Variants in EPHA2 observed in about 807,000 individuals in gnomAD.
EPHA2 encodes ephrin type-A receptor 2.
A neutral mutation model predicts 104.9 loss-of-function variants in EPHA2; 54 were observed. That is an observed-to-expected ratio of 0.51 (90% CI 0.41 to 0.65). EPHA2 has a LOEUF of 0.65. Ranked by LOEUF, EPHA2 falls within the 30% of genes least tolerant of loss-of-function variation. The pLI is 0.00. For missense variants in EPHA2, 1,117 were observed against 1,369.5 expected, an observed-to-expected ratio of 0.82 and a Z score of 2.91; for synonymous variants, 560 against 559.1, an observed-to-expected ratio of 1.00 and a Z score of -0.02.
intron 9 of EPHA2, 42 bp downstream of exon 9, chr1:16,133,818 G>C: frequency 6.6e-7 from 1 of 1,523,202 alleles, no homozygotes; most frequent in Non-Finnish European, 8.8e-7. Flanking sequence ...AGCTGGGGAC[G>C]GTGCGGGCAG....
chr1:16,133,386 C>G lies in EPHA2; in HGVS notation c.1865-18G>C, dbSNP rs2124206321. On this transcript the variant is annotated intron_variant, in intron 10 of 16. Coordinates refer to ENST00000358432, the MANE Select transcript of EPHA2 (RefSeq NM_004431.5). ...AAACTCTCCTGTGGGCAGACAGGGTCAGGGGAGTGCCCTGGTCAGCCCCGG... is the reference window on the plus strand; with the variant it reads ...AAACTCTCCTGTGGGCAGACAGGGTGAGGGGAGTGCCCTGGTCAGCCCCGG... The G allele has an allele frequency of 6.2e-7, 1 of 1,613,868 alleles. No individual in the cohort carries two copies. Among genetic ancestry groups the G allele is most frequent in the South Asian group, 1.1e-5 (1 of 91,078 alleles).
chr1:16,151,722 G>GC (rs1402501605), intron 1 of EPHA2, among the ~76,000 whole-genome samples: 5 of 152,268 alleles, frequency 3.3e-5, no homozygotes, highest in Admixed American at 1.3e-4. Flanking sequence ...CACCACCCCT[G>GC]CCCCTCACAT....
At chr1:16,141,285 G>T (rs2024820005) in intron 3 of EPHA2, among the ~76,000 whole-genome samples, 1 of 152,084 alleles carries the variant, frequency 6.6e-6, no homozygotes, top group South Asian at 2.1e-4. Context: ...CAGGGGGGTT[G>T]GTTGGGGTGG....
In EPHA2 at chr1:16,135,758, A is replaced by C; in HGVS notation, c.1325T>G (p.Val442Gly). 2 of 1,612,222 alleles carry C rather than the reference A, an allele frequency of 1.2e-6. No homozygotes were observed. The highest frequency in any genetic ancestry group is 1.7e-6 in the Non-Finnish European group (2 of 1,179,460). ...VSINQTEPPK[V>G]RLEGRSTTSL... ...GGTGGTGCTGCGGCCCTCCAGCCTC[A>C]CCTTGGGGGGCTCTGGGCAGGACAG... The change falls in exon 6 of 17, where the codon GTG becomes GGG. Residue 442 changes from valine to glycine, a missense_variant. Physicochemically the swap from Val to Gly is moderately radical, Grantham distance 109 (BLOSUM62 -3). Around this residue, in one of 3 missense-constraint regions of EPHA2, gnomAD observed 664 missense variants for 784.8 expected, o/e 0.85. Transcript: ENST00000358432. The surrounding 1 kb of genome is among the most constrained non-coding windows in gnomAD (Gnocchi z 4.3).
chr1:16,152,570 A>G (rs1005691052), intron 1 of EPHA2, among the ~76,000 whole-genome samples: 2 of 152,116 alleles, frequency 1.3e-5, no homozygotes, highest in African/African-American at 4.8e-5. Context: ...TTTGAAACTC[A>G]CTAACCCCAC....
chr1:16,147,280 G>A (rs1023463352), intron 3 of EPHA2, among the ~76,000 whole-genome samples: 5 of 152,120 alleles, frequency 3.3e-5, no homozygotes, highest in African/African-American at 1.2e-4. Context: ...ATCAATAGAG[G>A]TCCCAATGGG....
At chr1:16,147,326 G>C (rs2024951879) in intron 3 of EPHA2, among the ~76,000 whole-genome samples, 1 of 152,104 alleles carries the variant, frequency 6.6e-6, no homozygotes, top group Non-Finnish European at 1.5e-5. Context: ...GACAAGAAAG[G>C]CAGACCCTTG....
intron 1 of EPHA2, among the ~76,000 whole-genome samples, chr1:16,152,852 G>A (rs1326757064): frequency 6.6e-6 from 1 of 152,200 alleles, no homozygotes; most frequent in Non-Finnish European, 1.5e-5. Context: ...ACACAGGAAG[G>A]AGCCCCCCCT....
Position 16,156,049 on chromosome 1 carries a change from CT to C in EPHA2, c.-118del. 1.2e-6 allele frequency: 1 copy of C among 816,602 alleles called. No homozygotes were observed. Among genetic ancestry groups the C allele is most frequent in the Non-Finnish European group, 1.7e-6 (1 of 574,348 alleles). The allele number at this position is 816,602 out of a possible 1,614,324, so 50.6% of individuals were successfully genotyped here. ...GCCGGCCTGCGCGCAACTTCTGCCCCTCCTGCCCCGAGTCCTTAATGGAAGT... is the reference window on the plus strand; with the variant it reads ...GCCGGCCTGCGCGCAACTTCTGCCCCCCTGCCCCGAGTCCTTAATGGAAGT... On this transcript the variant is annotated 5_prime_UTR_variant, in exon 1 of 17. Coordinates refer to ENST00000358432, the MANE Select transcript of EPHA2 (RefSeq NM_004431.5).
rs1021408697 is a variant in EPHA2, at chr1:16,130,124, C to G, written c.2669+102G>C. The G allele has an allele frequency of 3.3e-6, 5 of 1,494,418 alleles. No homozygotes were observed. In the East Asian group the frequency reaches 6.8e-5, roughly 20 times the overall value. The allele number at this position is 1,494,418 out of a possible 1,614,324, so 92.6% of individuals were successfully genotyped here. A position where few individuals can be genotyped will look rare whatever the true frequency, so the allele number is the denominator to read the frequency against. ...ACACATAACCTCTTAGCCCCCAGCACCCCCCCTACCAGCTTCACCTGGGTG... is the reference window on the plus strand; with the variant it reads ...ACACATAACCTCTTAGCCCCCAGCAGCCCCCCTACCAGCTTCACCTGGGTG... On this transcript the variant is annotated intron_variant, in intron 15 of 16. Transcript: ENST00000358432. This position sits in a 1 kb window ranked among gnomAD's most constrained non-coding sequence, Gnocchi z 4.5.
At position 16,130,669 on chromosome 1, in the gene EPHA2, A is replaced by G. The variant is rs2024556223; in HGVS notation, c.2476-250T>C. On this transcript the variant is annotated intron_variant, in intron 14 of 16. Transcript: ENST00000358432. The surrounding 1 kb of genome is among the most constrained non-coding windows in gnomAD (Gnocchi z 4.5). ...GACTGAGACAGGGTCTCAGTCTGTC[A>G]CCCAGGCTAGAGTGCAGTGGCGCTA... is the stretch of plus-strand genomic sequence containing the variant. 6.6e-6 allele frequency among the ~76,000 whole-genome samples: 1 copy of G among 151,148 alleles called. No individual in the cohort carries two copies. The highest frequency in any genetic ancestry group is 2.4e-5 in the African/African-American group (1 of 41,038).
intron 5 of EPHA2, among the ~76,000 whole-genome samples, chr1:16,137,337 G>T (rs56007631): frequency 0.025 from 3,835 of 151,554 alleles, 89 homozygotes; most frequent in African/African-American, 0.054. Context: ...AGTGGCTCAC[G>T]CCTGTGATCT....
At chr1:16,154,919 GGAA>G (rs1426862941) in intron 1 of EPHA2, among the ~76,000 whole-genome samples, 1 of 152,134 alleles carries the variant, frequency 6.6e-6, no homozygotes, top group Non-Finnish European at 1.5e-5. Flanking sequence ...TGGGTGGACA[GGAA>G]GGTCTTCGGC....
rs556862274 is a variant in EPHA2 at position 16,155,701 on chromosome 1, G to C, written c.85+147C>G. 7.1e-5 allele frequency: 42 copies of C among 594,702 alleles called. No homozygotes were observed. The East Asian group carries it at 1.4e-3, about 19-fold the overall frequency. 36.8% of individuals were successfully genotyped at this position (594,702 alleles called of 1,614,324 possible). A position where few individuals can be genotyped will look rare whatever the true frequency, so the allele number is the denominator to read the frequency against. ...CCGGGTGGGGGCCAGGGCTCGCCTCGATCGCAGCCCGTGCGCCCTCCGGAC... is the reference window on the plus strand; with the variant it reads ...CCGGGTGGGGGCCAGGGCTCGCCTCCATCGCAGCCCGTGCGCCCTCCGGAC... On this transcript the variant is annotated intron_variant, in intron 1 of 16. Transcript: ENST00000358432.
intron 1 of EPHA2, 120 bp from the exon 2 acceptor site, chr1:16,151,083 C>A: frequency 1.1e-6 from 1 of 889,514 alleles, no homozygotes; most frequent in Non-Finnish European, 1.8e-6. Context: ...AGGGACCCCA[C>A]CACACAGGGT....
intron 3 of EPHA2, among the ~76,000 whole-genome samples, chr1:16,144,166 G>A (rs1233282410): frequency 2.6e-5 from 4 of 152,274 alleles, no homozygotes; most frequent in South Asian, 4.1e-4. Flanking sequence ...GGGAGAAGCC[G>A]GTGCCCGCCC....
In EPHA2 at chr1:16,150,668, C is replaced by T. The variant is rs1041102245; in HGVS notation, c.153+228G>A. 1.3e-5 allele frequency among the ~76,000 whole-genome samples: 2 copies of T among 152,220 alleles called. No individual in the cohort carries two copies. Among genetic ancestry groups the T allele is most frequent in the Admixed American group, 6.5e-5 (1 of 15,290 alleles). ...TTCTCTGTCTCCCCAGTTCCCCCCACCTCTCAGGCTTACACCCACACCCTC... is the reference window on the plus strand; with the variant it reads ...TTCTCTGTCTCCCCAGTTCCCCCCATCTCTCAGGCTTACACCCACACCCTC... On this transcript the variant is annotated intron_variant, in intron 2 of 16. Transcript: ENST00000358432. This position sits in a 1 kb window ranked among gnomAD's most constrained non-coding sequence, Gnocchi z 4.8.
chr1:16,135,750 C>T lies in EPHA2; in HGVS notation c.1333G>A (p.Glu445Lys). The T allele has an allele frequency of 6.2e-7, 1 of 1,613,168 alleles. No individual in the cohort carries two copies. Among genetic ancestry groups the T allele is most frequent in the South Asian group, 1.1e-5 (1 of 91,058 alleles). ...CTAAGCGAGGTGGTGCTGCGGCCCT[C>T]CAGCCTCACCTTGGGGGGCTCTGGG... ...NQTEPPKVRLEGRSTTSLSVS... is the reference protein window; with the variant it reads ...NQTEPPKVRLKGRSTTSLSVS... Residue 445 changes from glutamate (E) to lysine (K), a missense_variant, in exon 6 of 17, where the codon GAG becomes AAG. This residue lies in a region of EPHA2 where 664 missense variants were observed against 784.8 expected (regional missense o/e 0.85). Transcript: ENST00000358432. This position sits in a 1 kb window ranked among gnomAD's most constrained non-coding sequence, Gnocchi z 4.3.
chr1:16,154,229 G>A (rs1019907025), intron 1 of EPHA2, among the ~76,000 whole-genome samples: 1 of 152,124 alleles, frequency 6.6e-6, no homozygotes, highest in Non-Finnish European at 1.5e-5. Flanking sequence ...CCCCCAGGAA[G>A]GGGGAGGACC....
Sources: gnomAD v4.1 joint callset for allele counts (sites outside exome capture counted in the v4.1 genomes callset) on GRCh38, gnomAD v4.1.1 for gene constraint, gnomAD v4.1.1 regional missense constraint, Gnocchi (gnomAD v3.1) non-coding constraint, MANE v1.5 for transcripts, NCBI Gene and HGNC (gene_info 2026-07-23, HGNC 2026-07-21) for gene names.